The following ZRANB2 variants were observed in gnomAD, a reference collection of about 807,000 sequenced individuals.
ZRANB2 encodes the protein zinc finger RANBP2-type containing 2, also known as zinc finger Ran-binding domain-containing protein 2.
In ZRANB2, 19 loss-of-function variants were observed where a neutral mutation model predicts 53.4. The observed-to-expected ratio is 0.36, with a 90% CI of 0.25 to 0.52. ZRANB2 has a LOEUF of 0.52. Among genes scored for constraint, ZRANB2 ranks in the 20% least tolerant of loss-of-function variants. The pLI is 0.93. For synonymous variants in ZRANB2, 145 were observed against 134.8 expected, an observed-to-expected ratio of 1.08 and a Z score of -0.52; for missense variants, 309 against 401.1, an observed-to-expected ratio of 0.77 and a Z score of 1.96.
chr1:71,078,321 G>A (rs958184316), intron 3 of ZRANB2, 136 bp downstream of exon 3: 122 of 694,750 alleles, frequency 1.8e-4, no homozygotes, highest in Non-Finnish European at 2.8e-4. Context: ...TTAAAGATGA[G>A]ACTGAATAAC....
intron 8 of ZRANB2, chr1:71,067,539 T>C (rs931216189): frequency 2.8e-6 from 1 of 351,898 alleles, no homozygotes; most frequent in South Asian, 2.2e-5. Flanking sequence ...ATATGAAGTG[T>C]TGACATTCAC....
chr1:71,075,484 T>A (rs1461396888), intron 4 of ZRANB2, among the ~76,000 whole-genome samples: 1 of 152,046 alleles, frequency 6.6e-6, no homozygotes, highest in Non-Finnish European at 1.5e-5. Flanking sequence ...GATATATGGG[T>A]CAAAGAAGTC....
At position 71,078,381 on chromosome 1, in the gene ZRANB2, G is replaced by C. The variant is rs1661759088; in HGVS notation, c.218+76C>G. The C allele has an allele frequency of 2.4e-6, 3 of 1,239,820 alleles. No homozygotes were observed. The East Asian group carries it at 7.1e-5, about 29-fold the overall frequency. The allele number at this position is 1,239,820 out of a possible 1,614,324, so 76.8% of individuals were successfully genotyped here. On this transcript the variant is annotated intron_variant, in intron 3 of 9. Transcript: ENST00000370920. ...CCTGGCTTGTCAATGTCACTAATAA[G>C]AGCTGTAATATAAACAAGTAGTGGC...
chr1:71,072,629 C>T, intron 4 of ZRANB2, 81 bp from the exon 5 acceptor site: 1 of 1,025,242 alleles, frequency 9.8e-7, no homozygotes, highest in Admixed American at 2.3e-5. Context: ...CTCCAGACAA[C>T]AAAAAACATC....
chr1:71,069,221 T>C, intron 8 of ZRANB2, 55 bp downstream of exon 8: 1 of 1,447,968 alleles, frequency 6.9e-7, no homozygotes, highest in South Asian at 1.3e-5. Context: ...CAACACCTTC[T>C]GCAGCCTTTA....
intron 6 of ZRANB2, among the ~76,000 whole-genome samples, chr1:71,071,599 C>G: frequency 6.6e-6 from 1 of 151,418 alleles, no homozygotes; most frequent in Non-Finnish European, 1.5e-5. Context: ...TGTGCTGTCC[C>G]CCTCATCTCA....
intron 3 of ZRANB2, among the ~76,000 whole-genome samples, chr1:71,078,252 GT>G (rs1376362509): frequency 2.0e-5 from 3 of 152,092 alleles, no homozygotes; most frequent in African/African-American, 7.2e-5. Context: ...ATCCATCATA[GT>G]GACAACTATT....
chr1:71,071,495 C>T (rs1260787423), intron 6 of ZRANB2, among the ~76,000 whole-genome samples: 3 of 151,990 alleles, frequency 2.0e-5, no homozygotes, highest in African/African-American at 7.2e-5. Context: ...AGTTGCATTC[C>T]AAGACCTCTT....
intron 7 of ZRANB2, 65 bp from the exon 8 acceptor site, chr1:71,069,427 C>T: frequency 1.6e-6 from 2 of 1,219,132 alleles, no homozygotes; most frequent in Non-Finnish European, 1.2e-6. Flanking sequence ...GATATGAACA[C>T]TGAAAGAAAG....
chr1:71,071,086 T>C (rs1661585124), intron 6 of ZRANB2, 90 bp from the exon 7 acceptor site: 3 of 1,066,924 alleles, frequency 2.8e-6, no homozygotes, highest in South Asian at 4.7e-5. Context: ...AGCACCTCCA[T>C]ATGCATATAT....
rs750671817 is a variant in ZRANB2 at position 71,080,903 on chromosome 1, A to G, written c.56+37T>C. On this transcript the variant is annotated intron_variant, in intron 1 of 9. Transcript: ENST00000370920. ...CGGACCTCGGAAAGCTTCCACTAAC[A>G]AACTCCGTCCCAATTCAGGACCCTT... The G allele has an allele frequency of 3.1e-6, 5 of 1,612,256 alleles. No individual in the cohort carries two copies. The African/African-American group carries it at 6.7e-5, about 22-fold the overall frequency.
chr1:71,076,370 G>C (rs1347106157), intron 4 of ZRANB2, among the ~76,000 whole-genome samples: 1 of 152,180 alleles, frequency 6.6e-6, no homozygotes. Flanking sequence ...AAGTTTTTCA[G>C]ATAATCTAGC....
intron 2 of ZRANB2, 30 bp downstream of exon 2, chr1:71,078,626 G>C (rs909051028): frequency 1.2e-6 from 2 of 1,609,594 alleles, no homozygotes; most frequent in Non-Finnish European, 1.7e-6. Context: ...TACATATACA[G>C]TATAAATAGA....
At chr1:71,065,709 G>A (rs1251834205) in intron 9 of ZRANB2, 1 of 1,612,384 alleles carries the variant, frequency 6.2e-7, no homozygotes, top group South Asian at 1.1e-5. Flanking sequence ...CGTAGGGGTT[G>A]GCCCTGGGCT....
Position 71,072,180 on chromosome 1 carries a change from CT to C in ZRANB2, c.453del (p.Glu152AsnfsTer18). On this transcript the variant is annotated frameshift_variant, in exon 6 of 10. Transcript: ENST00000370920. LOFTEE classifies it high-confidence loss of function. ...PASILKEVED[K>X]ESEGEEEDED... ...TCATCCTCTTCTTCTCCCTCTGATTCTTTATCTTCAACTTCCTTTAATATAG... is the reference window on the plus strand; with the variant it reads ...TCATCCTCTTCTTCTCCCTCTGATTCTTATCTTCAACTTCCTTTAATATAG... 6.2e-7 allele frequency: 1 copy of C among 1,612,258 alleles called. No homozygotes were observed. The highest frequency in any genetic ancestry group is 8.5e-7 in the Non-Finnish European group (1 of 1,179,142).
In ZRANB2 at chr1:71,064,501, GC is replaced by G. The variant is rs920900596; in HGVS notation, c.*572del. On this transcript the variant is annotated 3_prime_UTR_variant, in exon 10 of 10. Coordinates refer to ENST00000370920, the MANE Select transcript of ZRANB2 (RefSeq NM_203350.3). The stretch of plus-strand genomic sequence containing the variant: ...AAGATTCTTTTGCATTAAATGTGGA[GC>G]AAAAAAGTAAAGCTGGATAAAAGAG... 6.6e-6 allele frequency: 1 copy of G among 152,422 alleles called. No homozygotes were observed. Among genetic ancestry groups the G allele is most frequent in the Admixed American group, 6.6e-5 (1 of 15,234 alleles). The allele number at this position is 152,422 out of a possible 1,614,324, so 9.4% of individuals were successfully genotyped here. A position where few individuals can be genotyped will look rare whatever the true frequency, so the allele number is the denominator to read the frequency against.
At chr1:71,066,017 A>G (rs930880036) in intron 9 of ZRANB2, 1 of 292,416 alleles carries the variant, frequency 3.4e-6, no homozygotes, top group Non-Finnish European at 6.3e-6. Flanking sequence ...CACTGAACCC[A>G]GCAATTAATA....
chr1:71,078,708 T>TTTTTTGTCAGGGCAAATCCAGTC lies in ZRANB2; in HGVS notation c.57-1_57insGACTGGATTTGCCCTGACAAAAA (p.Cys20ThrfsTer12). The stretch of plus-strand genomic sequence containing the variant: ...TTCTAGCAAAGTTTACATTTCCACA[T>TTTTTTGTCAGGGCAAATCCAGTC]CTAAAAACAGATTAAAAAGCATTTA... On this transcript the variant is annotated frameshift_variant and splice_region_variant. Coordinates refer to ENST00000370920, the MANE Select transcript of ZRANB2 (RefSeq NM_203350.3). LOFTEE classifies it high-confidence loss of function. 6.2e-7 allele frequency: 1 copy of TTTTTTGTCAGGGCAAATCCAGTC among 1,610,780 alleles called. No individual in the cohort carries two copies. Among genetic ancestry groups the TTTTTTGTCAGGGCAAATCCAGTC allele is most frequent in the Non-Finnish European group, 8.5e-7 (1 of 1,177,910 alleles).
At position 71,070,920 on chromosome 1, in the gene ZRANB2, T is replaced by A. The variant is rs1311390004; in HGVS notation, c.590A>T (p.Lys197Ile). 1 of 1,611,852 alleles carries A rather than the reference T, an allele frequency of 6.2e-7. No homozygotes were observed. The highest frequency in any genetic ancestry group is 1.7e-5 in the Admixed American group (1 of 59,600). Residue 197 changes from lysine (K) to isoleucine (I), a missense_variant, in exon 7 of 10, where the codon AAA becomes ATA. Lys to Ile is a moderately radical substitution (Grantham distance 102, BLOSUM62 -3). Around this residue, in one of 3 missense-constraint regions of ZRANB2, gnomAD observed 211 missense variants for 196.1 expected, o/e 1.08. Transcript: ENST00000370920. ...ASEEEDSNKKKSNRRSRSKSR... is the reference protein window; with the variant it reads ...ASEEEDSNKKISNRRSRSKSR... ...CTTTGAGCGACTTCGTCTATTAGAT[T>A]TCTTTTTATTACTATCTTCTTCTTC...
Sources: gnomAD v4.1 joint callset for allele counts (sites outside exome capture counted in the v4.1 genomes callset) on GRCh38, gnomAD v4.1.1 for gene constraint, gnomAD v4.1.1 regional missense constraint, MANE v1.5 for transcripts, NCBI Gene and HGNC (gene_info 2026-07-23, HGNC 2026-07-21) for gene names.